The following NPC1 variants were observed in gnomAD, a reference collection of about 807,000 sequenced individuals.
The protein encoded by NPC1 is NPC intracellular cholesterol transporter 1, also known as Niemann-Pick C1 protein.
NPC1 carries 85 observed loss-of-function variants against 140.4 expected under a neutral mutation model. That is an observed-to-expected ratio of 0.61 (90% CI 0.51 to 0.72). The LOEUF is 0.72. Ranked by LOEUF, NPC1 falls within the 30% of genes least tolerant of loss-of-function variation. The pLI, the probability that NPC1 is intolerant of heterozygous loss-of-function variation, is 0.00. For synonymous variants in NPC1, 656 were observed against 624.8 expected (o/e 1.05, Z -0.74); for missense variants, 1,504 against 1,623.8 (o/e 0.93, Z 1.27).
At position 23,550,479 on chromosome 18, in the gene NPC1, CTTTT is replaced by C. The variant is rs68163205; in HGVS notation, c.1654+1144_1654+1147del. Among the ~76,000 whole-genome samples the C allele has an allele frequency of 5.2e-4, 39 of 74,948 alleles. 1 individual carries two copies. Among genetic ancestry groups the C allele is most frequent in the East Asian group, 2.2e-3 (4 of 1,782 alleles). 49.2% of individuals were successfully genotyped at this position (74,948 alleles called of 152,430 possible). The stretch of plus-strand genomic sequence containing the variant: ...GAATTTTCTTCCAGTTCTTACATTT[CTTTT>C]TTTTTTTTTTTTTTTTGAGATGGAG... On this transcript the variant is annotated intron_variant, in intron 10 of 24. Transcript: ENST00000269228.
In NPC1 at chr18:23,573,366, C is replaced by T. The variant is rs553967936; in HGVS notation, c.180+86G>A. 1.6e-5 allele frequency: 25 copies of T among 1,576,580 alleles called. No homozygotes were observed. The East Asian group carries it at 5.6e-4, about 35-fold the overall frequency. On this transcript the variant is annotated intron_variant, in intron 2 of 24. Transcript: ENST00000269228. ...AGCCTGTTAGTCTCATCTCCACCTC[C>T]ACCCTGCAATAACATTTAAGGAATA... is the stretch of plus-strand genomic sequence containing the variant.
intron 4 of NPC1, among the ~76,000 whole-genome samples, chr18:23,562,459 C>T (rs911412959): frequency 2.0e-5 from 3 of 151,858 alleles, no homozygotes; most frequent in Non-Finnish European, 4.4e-5. Flanking sequence ...CCAGTCTCTG[C>T]TTGCTAGAAA....
At chr18:23,509,275 A>G (rs1217258427) in intron 3 of NPC1, 4 of 1,423,140 alleles carry the variant, frequency 2.8e-6, no homozygotes, top group Non-Finnish European at 2.8e-6. Context: ...ATCGAATTTT[A>G]CCAGGTATTA....
intron 6 of NPC1, 97 bp downstream of exon 6, chr18:23,560,134 T>A: frequency 1.4e-6 from 2 of 1,462,826 alleles, no homozygotes; most frequent in Non-Finnish European, 1.9e-6. Context: ...GGTATTTGTT[T>A]CTTGTCCTAA....
chr18:23,551,591 T>C, intron 10 of NPC1, 36 bp downstream of exon 10: 2 of 1,472,814 alleles, frequency 1.4e-6, no homozygotes, highest in African/African-American at 2.8e-5. Flanking sequence ...GAGATGACTT[T>C]ATCTAAAAGG....
At chr18:23,520,393 G>A (rs2058112187), downstream of NPC1, 7 of 1,151,562 alleles carry the variant, frequency 6.1e-6, no homozygotes, top group South Asian at 5.4e-5. Flanking sequence ...TGGGAGTCAC[G>A]TTAAAAGTGG....
intron 4 of NPC1, among the ~76,000 whole-genome samples, chr18:23,566,323 G>A (rs1157484841): frequency 6.6e-6 from 1 of 152,194 alleles, no homozygotes; most frequent in African/African-American, 2.4e-5. Flanking sequence ...GGTTGAGGCT[G>A]CAGTGAGCCA....
intron 22 of NPC1, among the ~76,000 whole-genome samples, chr18:23,535,108 T>C (rs1411416707): frequency 6.6e-6 from 1 of 152,030 alleles, no homozygotes; most frequent in Non-Finnish European, 1.5e-5. Flanking sequence ...CTCTAAAGAA[T>C]AACAAATTAC....
chr18:23,555,394 A>G lies in NPC1; in HGVS notation c.1327-410T>C, dbSNP rs117055682. ...CTTGCTCTGCACTACAGCCATTTAT[A>G]TATGTCCCCTTATTTCCTAACAGAG... is the stretch of plus-strand genomic sequence containing the variant. On this transcript the variant is annotated intron_variant, in intron 8 of 24. Transcript: ENST00000269228. Among the ~76,000 whole-genome samples the G allele has an allele frequency of 3.3e-4, 50 of 152,362 alleles. 3 individuals are homozygous for G. The East Asian group carries it at 9.2e-3, about 28-fold the overall frequency.
At chr18:23,550,725 A>G (rs565689686) in intron 10 of NPC1, among the ~76,000 whole-genome samples, 43 of 151,818 alleles carry the variant, frequency 2.8e-4, no homozygotes, top group African/African-American at 1.0e-3. Flanking sequence ...TGACCTTGTG[A>G]TCCACCCGCC....
At chr18:23,516,174 G>A (rs1263711508) in intron 3 of NPC1, 15 of 1,284,252 alleles carry the variant, frequency 1.2e-5, no homozygotes, top group Middle Eastern at 2.2e-4. Flanking sequence ...TCTATGCTGG[G>A]CAGACAGGCT....
In NPC1 at chr18:23,544,502, T is replaced by C. The variant is rs933308601; in HGVS notation, c.1972A>G (p.Ile658Val). 2.5e-6 allele frequency: 4 copies of C among 1,614,088 alleles called. No individual in the cohort carries two copies. The highest frequency in any genetic ancestry group is 1.6e-4 in the Middle Eastern group (1 of 6,084). Residue 658 changes from isoleucine (I) to valine (V), a missense_variant, in exon 13 of 25, where the codon ATC (isoleucine) becomes GTC (valine). Ile to Val is a conservative substitution (Grantham distance 29). Coordinates refer to ENST00000269228, the MANE Select transcript of NPC1 (RefSeq NM_000271.5). ...CTCAGCACGATCAAGATGCCCGCGA[T>C]GCCTAGTGAGACCTTCGAATCCACC... The part of the protein sequence containing the change: ...LLVDSKVSLG[I>V]AGILIVLSSV...
intron 5 of NPC1, 92 bp downstream of exon 5, chr18:23,561,268 T>A (rs2059034206): frequency 1.5e-6 from 2 of 1,336,760 alleles, no homozygotes. Flanking sequence ...TGCCTCAGTC[T>A]CCCCAAGCAC....
chr18:23,506,383 A>T (rs574897595), exon 4 of NPC1: 2 of 151,738 alleles, frequency 1.3e-5, no homozygotes, highest in African/African-American at 4.8e-5. Context: ...TTTTTAAATG[A>T]ATTTTTAATT....
chr18:23,542,608 C>T (rs73392121), intron 14 of NPC1, among the ~76,000 whole-genome samples: 3,754 of 152,346 alleles, frequency 0.025, 150 homozygotes, highest in African/African-American at 0.084. Flanking sequence ...CACAGAAGTG[C>T]TGACTTTGTT....
chr18:23,557,417 C>CA (rs1164895916), intron 6 of NPC1, among the ~76,000 whole-genome samples: 10 of 152,218 alleles, frequency 6.6e-5, no homozygotes. Context: ...AGGATAATTT[C>CA]ACCTTGTGGC....
rs541483038 is a variant in NPC1 at position 23,513,951 on chromosome 18, A to G, written c.432-7309T>C. ...CTTCTTAGAGATACAATTTGCAAGT[A>G]TTTTCTCCGAATCCGGAGGTTGCCT... On this transcript the variant is annotated intron_variant, in intron 3 of 3. Transcript: ENST00000591107. 1.6e-4 allele frequency among the ~76,000 whole-genome samples: 24 copies of G among 152,234 alleles called. No individual in the cohort carries two copies. In the South Asian group the frequency reaches 5.0e-3, roughly 32 times the overall value.
In NPC1 at chr18:23,534,435, AG is replaced by A. The variant is rs765180554; in HGVS notation, c.3591+10del. ...CGACTCTGCCGGCGTGGCCCTGCTC[AG>A]GGTACTCACGGAGCTGCCCATGTGG... On this transcript the variant is annotated intron_variant, in intron 23 of 24. Coordinates refer to ENST00000269228, the MANE Select transcript of NPC1 (RefSeq NM_000271.5). The A allele has an allele frequency of 6.3e-7, 1 of 1,593,656 alleles. No homozygotes were observed. The highest frequency in any genetic ancestry group is 8.6e-7 in the Non-Finnish European group (1 of 1,162,976).
intron 3 of NPC1, among the ~76,000 whole-genome samples, 195 bp from the exon 4 acceptor site, chr18:23,569,193 T>TA (rs1370284549): frequency 6.6e-6 from 1 of 152,216 alleles, no homozygotes; most frequent in Non-Finnish European, 1.5e-5. Flanking sequence ...ATGCCCTAAT[T>TA]ACTTTCTGCA....
Sources: allele counts gnomAD v4.1 joint callset (sites outside exome capture counted in the v4.1 genomes callset), GRCh38; gene constraint gnomAD v4.1.1; transcripts MANE v1.5; gene names NCBI Gene and HGNC (gene_info 2026-07-23, HGNC 2026-07-21).